Variants in PCDH11X observed in about 807,000 individuals in gnomAD.
PCDH11X encodes protocadherin 11 X-linked.
PCDH11X carries 18 observed loss-of-function variants against 53.3 expected under a neutral mutation model. That is an observed-to-expected ratio of 0.34 (90% CI 0.23 to 0.50). PCDH11X has a LOEUF of 0.50. PCDH11X is among the 20% of genes least tolerant of loss of function. PCDH11X has a pLI of 0.98. For synonymous variants in PCDH11X, 279 were observed against 393.3 expected (o/e 0.71, Z 3.44); for missense variants, 570 against 1,032.4 (o/e 0.55, Z 6.14).
chrX:92,295,777 G>A (rs1485237909), intron 8 of PCDH11X, among the ~76,000 whole-genome samples: 5 of 86,672 alleles, frequency 5.8e-5, no homozygotes, highest in Middle Eastern at 6.5e-3. Context: ...GTGTGTGTGT[G>A]TCTATTAAAA....
chrX:92,132,635 G>GTA (rs796606879), intron 6 of PCDH11X, among the ~76,000 whole-genome samples: 3,042 of 61,788 alleles, frequency 0.049, 80 homozygotes, highest in Non-Finnish European at 0.07. Context: ...ATATATATAT[G>GTA]TATATATATA....
At chrX:92,249,103 A>ATATG (rs2067409245) in intron 7 of PCDH11X, among the ~76,000 whole-genome samples, 1 of 110,430 alleles carries the variant, frequency 9.1e-6, no homozygotes, top group Non-Finnish European at 1.9e-5. Context: ...ACATACATAT[A>ATATG]TATGTATGTA....
chrX:92,463,480 G>A (rs1425538605), intron 9 of PCDH11X, among the ~76,000 whole-genome samples: 1 of 110,465 alleles, frequency 9.1e-6, no homozygotes, highest in East Asian at 2.8e-4. Flanking sequence ...GCATTTAATA[G>A]TATGTGAGTT....
chrX:92,559,083 A>G (rs1414090575), intron 10 of PCDH11X, among the ~76,000 whole-genome samples: 4 of 111,328 alleles, frequency 3.6e-5, no homozygotes, highest in Non-Finnish European at 7.5e-5. Flanking sequence ...TCAAAATAAC[A>G]AGCAGCCACT....
At chrX:92,293,513 A>G (rs1173103615) in intron 8 of PCDH11X, among the ~76,000 whole-genome samples, 1 of 108,404 alleles carries the variant, frequency 9.2e-6, no homozygotes, top group Non-Finnish European at 1.9e-5. Flanking sequence ...AGTCCCAGCT[A>G]CTCGGGAGGC....
chrX:92,487,756 A>G (rs1420967226), intron 10 of PCDH11X, among the ~76,000 whole-genome samples: 1 of 110,981 alleles, frequency 9.0e-6, no homozygotes, highest in Non-Finnish European at 1.9e-5. Context: ...CTCTGGAGAA[A>G]TAAGAGGGGT....
intron 7 of PCDH11X, among the ~76,000 whole-genome samples, chrX:92,214,197 A>G (rs1023286015): frequency 3.6e-5 from 4 of 112,060 alleles, no homozygotes; most frequent in African/African-American, 1.3e-4. Context: ...TGGGGGCCTC[A>G]TTGCATTTTG....
At chrX:92,056,346 T>G (rs1311223086) in intron 6 of PCDH11X, among the ~76,000 whole-genome samples, 1 of 111,943 alleles carries the variant, frequency 8.9e-6, no homozygotes, top group Non-Finnish European at 1.9e-5. Flanking sequence ...GAAAAGTATC[T>G]GTTCATGTCC....
At chrX:92,191,071 G>T (rs957465173) in intron 6 of PCDH11X, among the ~76,000 whole-genome samples, 8 of 111,677 alleles carry the variant, frequency 7.2e-5, no homozygotes, top group African/African-American at 2.6e-4. Context: ...ATACTTGCTT[G>T]TTATTCATTT....
chrX:92,609,375 T>G (rs1056277861), intron 10 of PCDH11X, among the ~76,000 whole-genome samples: 47 of 111,602 alleles, frequency 4.2e-4, no homozygotes, highest in Non-Finnish European at 6.4e-4. Context: ...AGCAGCAGCA[T>G]CAATTGAAGA....
intron 10 of PCDH11X, among the ~76,000 whole-genome samples, chrX:92,530,607 A>G (rs1256055835): frequency 8.9e-6 from 1 of 112,325 alleles, no homozygotes; most frequent in East Asian, 2.8e-4. Flanking sequence ...GAGATGGCAG[A>G]CATTTTAAAA....
At chrX:91,831,399 GTCACATTTTTCAT>G (rs1212814254) in intron 4 of PCDH11X, among the ~76,000 whole-genome samples, 17 of 102,187 alleles carry the variant, frequency 1.7e-4, no homozygotes, top group Admixed American at 4.4e-4. Context: ...AGGTTACCTT[GTCACATTTTTCAT>G]GAGACAGAAA....
At chrX:92,295,367 G>A (rs1353848938) in intron 8 of PCDH11X, among the ~76,000 whole-genome samples, 13 of 110,083 alleles carry the variant, frequency 1.2e-4, no homozygotes, top group Non-Finnish European at 2.5e-4. Flanking sequence ...CTGGACTCTC[G>A]TTATTTCTAA....
At chrX:91,894,713 A>AT (rs1170655735) in intron 6 of PCDH11X, among the ~76,000 whole-genome samples, 3 of 110,659 alleles carry the variant, frequency 2.7e-5, no homozygotes, top group Non-Finnish European at 5.7e-5. Flanking sequence ...TTCATGGTCC[A>AT]TTTTTTTTGT....
chrX:92,555,519 G>A (rs949202446), intron 10 of PCDH11X, among the ~76,000 whole-genome samples: 4 of 111,930 alleles, frequency 3.6e-5, no homozygotes, highest in African/African-American at 1.3e-4. Context: ...ATACAGATTA[G>A]AGACTTCATG....
chrX:92,145,261 C>T (rs1404401877), intron 6 of PCDH11X, among the ~76,000 whole-genome samples: 1 of 111,930 alleles, frequency 8.9e-6, no homozygotes, highest in Non-Finnish European at 1.9e-5. Context: ...TTGGGACTTT[C>T]AGAGAAGTAT....
intron 10 of PCDH11X, among the ~76,000 whole-genome samples, chrX:92,484,955 A>T (rs1367036167): frequency 9.0e-6 from 1 of 110,796 alleles, no homozygotes; most frequent in Non-Finnish European, 1.9e-5. Context: ...ATTAAAACTG[A>T]TTTCTATCAA....
chrX:92,188,090 T>A (rs1569413184), intron 6 of PCDH11X, among the ~76,000 whole-genome samples: 1 of 111,547 alleles, frequency 9.0e-6, no homozygotes, highest in Non-Finnish European at 1.9e-5. Flanking sequence ...TAGGAATTCC[T>A]AGAACCTATG....
chrX:92,518,787 C>T (rs1345842786), intron 10 of PCDH11X, among the ~76,000 whole-genome samples: 2 of 87,926 alleles, frequency 2.3e-5, no homozygotes, highest in East Asian at 3.8e-4. Flanking sequence ...GACGGAGTCT[C>T]GCTCTGTCGC....
Sources: gnomAD v4.1 joint callset for allele counts (sites outside exome capture counted in the v4.1 genomes callset) on GRCh38, gnomAD v4.1.1 for gene constraint, MANE v1.5 for transcripts, NCBI Gene and HGNC (gene_info 2026-07-23, HGNC 2026-07-21) for gene names.